CSMD2: variants seen among roughly 807,000 people sequenced by gnomAD.
The protein encoded by CSMD2 is CUB and sushi domain-containing protein 2.
CSMD2 carries 130 observed loss-of-function variants against 398.5 expected under a neutral mutation model. The observed-to-expected ratio is 0.33, with a 90% CI of 0.28 to 0.38. The LOEUF (loss-of-function observed/expected upper bound fraction) is 0.38. Among genes scored for constraint, CSMD2 ranks in the 10% least tolerant of loss-of-function variants. The pLI is 1.00. For missense variants in CSMD2, 3,829 were observed against 4,764.9 expected (o/e 0.80, Z 5.78); for synonymous variants, 1,828 against 1,908.5 (o/e 0.96, Z 1.10).
intron 25 of CSMD2, among the ~76,000 whole-genome samples, chr1:33,673,313 T>C (rs1170843325): frequency 6.6e-6 from 1 of 152,202 alleles, no homozygotes; most frequent in Non-Finnish European, 1.5e-5. Flanking sequence ...ACGTGACGAA[T>C]GCACAAGCCT....
At chr1:33,523,276 T>C (rs1378115044) in intron 67 of CSMD2, 31 bp downstream of exon 67, 1 of 1,023,822 alleles carries the variant, frequency 9.8e-7, no homozygotes, top group South Asian at 1.3e-5. Context: ...GATCTGGGAG[T>C]CAGGGGAGGA....
chr1:34,092,697 C>T (rs893670287), intron 1 of CSMD2, among the ~76,000 whole-genome samples: 1 of 152,154 alleles, frequency 6.6e-6, no homozygotes, highest in African/African-American at 2.4e-5. Context: ...TGCGCTTTTC[C>T]GACGGGCTTA....
intron 2 of CSMD2, among the ~76,000 whole-genome samples, chr1:34,067,916 T>C (rs1032896025): frequency 2.6e-5 from 4 of 152,160 alleles, no homozygotes; most frequent in Non-Finnish European, 5.9e-5. Flanking sequence ...GAAGTCAGGA[T>C]TGGGGAGGCA....
At chr1:33,937,082 T>G (rs1400686136) in intron 3 of CSMD2, among the ~76,000 whole-genome samples, 1 of 152,190 alleles carries the variant, frequency 6.6e-6, no homozygotes, top group Non-Finnish European at 1.5e-5. Context: ...GATAGGGAGC[T>G]CAACAGCACC....
At chr1:33,828,969 AC>A (rs562558695) in intron 6 of CSMD2, among the ~76,000 whole-genome samples, 47 of 152,328 alleles carry the variant, frequency 3.1e-4, no homozygotes, top group African/African-American at 1.1e-3. Context: ...GTGAGAAGGA[AC>A]CTGAAAAGCT....
intron 44 of CSMD2, among the ~76,000 whole-genome samples, chr1:33,588,901 A>AT (rs1639255176): frequency 6.6e-6 from 1 of 152,198 alleles, no homozygotes; most frequent in South Asian, 2.1e-4. Flanking sequence ...TGAGACACAC[A>AT]TCCCCGCCAT....
chr1:33,751,057 CAG>C (rs200689705), intron 13 of CSMD2, among the ~76,000 whole-genome samples: 2,654 of 151,942 alleles, frequency 0.017, 40 homozygotes, highest in Non-Finnish European at 0.026. Context: ...TGGAATTTGA[CAG>C]AAAGATGTAC....
intron 40 of CSMD2, among the ~76,000 whole-genome samples, chr1:33,611,830 G>A (rs1641028060): frequency 6.6e-6 from 1 of 152,134 alleles, no homozygotes; most frequent in African/African-American, 2.4e-5. Flanking sequence ...AGTTCTTAAT[G>A]TACATAGTAA....
At chr1:34,040,672 A>C (rs747632458) in intron 2 of CSMD2, among the ~76,000 whole-genome samples, 8 of 152,228 alleles carry the variant, frequency 5.3e-5, no homozygotes, top group Admixed American at 2.0e-4. Context: ...AGGGAGAGAC[A>C]TCCAGACTTG....
chr1:33,820,565 CAAAAAAAAA>C lies in CSMD2; in HGVS notation c.1112-18_1112-10del. 69 of 441,954 alleles carry C rather than the reference CAAAAAAAAA, an allele frequency of 1.6e-4. No individual in the cohort carries two copies. Among genetic ancestry groups the C allele is most frequent in the Middle Eastern group, 5.7e-4 (1 of 1,744 alleles). The allele number at this position is 441,954 out of a possible 1,614,324, so 27.4% of individuals were successfully genotyped here. A position where few individuals can be genotyped will look rare whatever the true frequency, so the allele number is the denominator to read the frequency against. On this transcript the variant is annotated splice_polypyrimidine_tract_variant and intron_variant, in intron 7 of 70. Transcript: ENST00000373381. ...CACACCAACCTGAGTTACTACAAGGCAAAAAAAAAAAAAAAAAAAAAAACAGCACACACA... is the reference window on the plus strand; with the variant it reads ...CACACCAACCTGAGTTACTACAAGGCAAAAAAAAAAAAAACAGCACACACA...
chr1:33,743,525 T>C lies in CSMD2; in HGVS notation c.1928A>G (p.His643Arg), dbSNP rs897004973. 6.2e-7 allele frequency: 1 copy of C among 1,613,822 alleles called. No homozygotes were observed. Among genetic ancestry groups the C allele is most frequent in the Non-Finnish European group, 8.5e-7 (1 of 1,179,978 alleles). ...NYPEDYGNHLHCVWLILARPE... is the reference protein window; with the variant it reads ...NYPEDYGNHLRCVWLILARPE... ...CCTGGCCAGGATGAGCCAGACACAG[T>C]GGAGGTGGTTGCCATAGTCCTCTGG... Residue 643 changes from histidine to arginine, a missense_variant, in exon 14 of 71, where the codon CAC (histidine) becomes CGC (arginine). This residue lies in a region of CSMD2 where 2,001 missense variants were observed against 2,567.1 expected (regional missense o/e 0.78). Transcript: ENST00000373381.
intron 5 of CSMD2, 56 bp from the exon 6 acceptor site, chr1:33,847,052 A>G: frequency 8.4e-7 from 1 of 1,195,190 alleles, no homozygotes; most frequent in Non-Finnish European, 1.2e-6. Context: ...GTATAGGTGT[A>G]TGAGCATTCA....
At chr1:33,790,657 G>GTCTA (rs766980791) in intron 11 of CSMD2, among the ~76,000 whole-genome samples, 1,864 of 120,336 alleles carry the variant, frequency 0.015, 43 homozygotes, top group African/African-American at 0.058. Context: ...TTTGCTGTTT[G>GTCTA]TCTGTCTATC....
At chr1:33,623,312 CATG>C in intron 36 of CSMD2, 55 bp downstream of exon 36, 1 of 1,075,362 alleles carries the variant, frequency 9.3e-7, no homozygotes, top group Non-Finnish European at 1.4e-6. Flanking sequence ...TAACAATGTT[CATG>C]ATGATGAGCT....
At chr1:33,758,641 A>G (rs1031445749) in intron 13 of CSMD2, among the ~76,000 whole-genome samples, 10 of 152,224 alleles carry the variant, frequency 6.6e-5, no homozygotes, top group African/African-American at 2.4e-4. Flanking sequence ...ATTATGGTAG[A>G]TCATACTAAT....
intron 5 of CSMD2, among the ~76,000 whole-genome samples, chr1:33,853,331 T>C (rs893046995): frequency 7.2e-5 from 11 of 152,238 alleles, no homozygotes; most frequent in African/African-American, 2.4e-4. Flanking sequence ...TAAGGATGCT[T>C]TGTCCCATCC....
Position 33,537,364 on chromosome 1 carries a change from A to C in CSMD2, c.9805+72T>G. 3 of 1,424,974 alleles carry C rather than the reference A, an allele frequency of 2.1e-6. No individual in the cohort carries two copies. Among genetic ancestry groups the C allele is most frequent in the Non-Finnish European group, 2.9e-6 (3 of 1,038,904 alleles). The allele number at this position is 1,424,974 out of a possible 1,614,324, so 88.3% of individuals were successfully genotyped here. A position where few individuals can be genotyped will look rare whatever the true frequency, so the allele number is the denominator to read the frequency against. On this transcript the variant is annotated intron_variant, in intron 61 of 70. Coordinates refer to ENST00000373381, the MANE Select transcript of CSMD2 (RefSeq NM_001281956.2). The surrounding 1 kb of genome is among the most constrained non-coding windows in gnomAD (Gnocchi z 4.6). Reference sequence around the variant, plus strand: ...CCACTGAAGACAGGGAAGGAAAGTAATCATCTCAGGCCCAAAAGAAGGTCT... The same window carrying C: ...CCACTGAAGACAGGGAAGGAAAGTACTCATCTCAGGCCCAAAAGAAGGTCT...
intron 37 of CSMD2, among the ~76,000 whole-genome samples, chr1:33,620,143 C>A (rs754232116): frequency 1.6e-4 from 25 of 152,170 alleles, no homozygotes; most frequent in Non-Finnish European, 3.2e-4. Flanking sequence ...ATGCTTACAA[C>A]AAAGGAAAAA....
chr1:34,029,903 G>C (rs1240593785), intron 3 of CSMD2, among the ~76,000 whole-genome samples: 1 of 152,200 alleles, frequency 6.6e-6, no homozygotes, highest in African/African-American at 2.4e-5. Flanking sequence ...TGCCCTGTGA[G>C]TCTTGCTGTG....
Sources: gnomAD v4.1 joint callset for allele counts (sites outside exome capture counted in the v4.1 genomes callset) on GRCh38, gnomAD v4.1.1 for gene constraint, gnomAD v4.1.1 regional missense constraint, Gnocchi (gnomAD v3.1) non-coding constraint, MANE v1.5 for transcripts, NCBI Gene and HGNC (gene_info 2026-07-23, HGNC 2026-07-21) for gene names.